The following NPAS3 variants were observed in gnomAD, a reference collection of about 807,000 sequenced individuals.
NPAS3 encodes the protein neuronal PAS domain protein 3.
A neutral mutation model predicts 73.1 loss-of-function variants in NPAS3; 14 were observed. The ratio of observed to expected loss-of-function variants is 0.19; its 90% CI spans 0.13 to 0.30. The LOEUF (loss-of-function observed/expected upper bound fraction) is 0.30, where lower values mean the gene tolerates loss of function less well. Ranked by LOEUF, NPAS3 falls within the 10% of genes least tolerant of loss-of-function variation. NPAS3 has a pLI of 1.00. For synonymous variants in NPAS3, 620 were observed against 541.5 expected (o/e 1.14, Z -2.01); for missense variants, 1,096 against 1,250.0 (o/e 0.88, Z 1.86).
At chr14:33,442,944 G>C (rs1472411873) in intron 4 of NPAS3, among the ~76,000 whole-genome samples, 1 of 152,086 alleles carries the variant, frequency 6.6e-6, no homozygotes, top group Non-Finnish European at 1.5e-5. Flanking sequence ...TTGATAATTT[G>C]ATAATTTACC....
At chr14:33,477,112 CT>C (rs577777488) in intron 4 of NPAS3, among the ~76,000 whole-genome samples, 191 of 149,744 alleles carry the variant, frequency 1.3e-3, no homozygotes, top group Middle Eastern at 0.011. Flanking sequence ...TAAATTCACC[CT>C]TTTTAGCCTT....
At chr14:33,395,995 T>C (rs895383483) in intron 4 of NPAS3, among the ~76,000 whole-genome samples, 17 of 152,138 alleles carry the variant, frequency 1.1e-4, no homozygotes, top group African/African-American at 3.9e-4. Context: ...CTCTCTTAAG[T>C]GGCTTTGCCC....
intron 5 of NPAS3, among the ~76,000 whole-genome samples, chr14:33,583,797 A>G (rs1332932672): frequency 6.6e-6 from 1 of 152,232 alleles, no homozygotes; most frequent in Non-Finnish European, 1.5e-5. Context: ...GTAGTGGATT[A>G]AAGTTGGAGA....
intron 3 of NPAS3, among the ~76,000 whole-genome samples, chr14:33,216,698 G>A (rs1043010181): frequency 2.0e-5 from 3 of 152,042 alleles, no homozygotes; most frequent in East Asian, 1.9e-4. Flanking sequence ...GCGTGGCTGT[G>A]TTCCAATAAA....
chr14:33,429,711 A>G (rs899100497), intron 4 of NPAS3, among the ~76,000 whole-genome samples: 3 of 152,162 alleles, frequency 2.0e-5, no homozygotes, highest in Non-Finnish European at 1.5e-5. Context: ...GCCTATGAGG[A>G]TGAGCAATGA....
intron 7 of NPAS3, among the ~76,000 whole-genome samples, chr14:33,761,081 A>G (rs1239892479): frequency 6.6e-6 from 1 of 152,194 alleles, no homozygotes; most frequent in East Asian, 1.9e-4. Flanking sequence ...CTATAAAGAA[A>G]CTTTATTTTC....
At chr14:33,709,098 G>A (rs1015322) in intron 6 of NPAS3, among the ~76,000 whole-genome samples, 54,378 of 152,066 alleles carry the variant, frequency 0.36, 10,304 homozygotes, top group Admixed American at 0.52. Context: ...TGAGTGGACA[G>A]TTCTCCACAA....
At chr14:33,013,019 T>C (rs992158982) in intron 1 of NPAS3, among the ~76,000 whole-genome samples, 7 of 152,208 alleles carry the variant, frequency 4.6e-5, no homozygotes, top group African/African-American at 1.7e-4. Flanking sequence ...AAATGTTCCA[T>C]ACCCTTGTGT....
chr14:33,229,472 G>A (rs2047761045), intron 3 of NPAS3, among the ~76,000 whole-genome samples: 1 of 152,190 alleles, frequency 6.6e-6, no homozygotes, highest in South Asian at 2.1e-4. Context: ...AGGGCTCAGA[G>A]TCACGTGCTC....
intron 3 of NPAS3, among the ~76,000 whole-genome samples, chr14:33,342,154 C>A (rs1245953311): frequency 6.6e-6 from 1 of 152,204 alleles, no homozygotes; most frequent in African/African-American, 2.4e-5. Context: ...CATGGAGACA[C>A]AAAGGGGTTG....
chr14:33,524,171 G>A (rs753011638), intron 4 of NPAS3, among the ~76,000 whole-genome samples: 1 of 152,152 alleles, frequency 6.6e-6, no homozygotes, highest in Non-Finnish European at 1.5e-5. Context: ...ACTGCTGAAA[G>A]TACTGCCCTC....
upstream of NPAS3, among the ~76,000 whole-genome samples, chr14:32,937,910 G>C (rs922940709): frequency 6.6e-6 from 1 of 152,052 alleles, no homozygotes; most frequent in African/African-American, 2.4e-5. Flanking sequence ...CTCTGACCAG[G>C]GTCTACCCAG....
At chr14:32,939,327 C>G in exon 1 of NPAS3, 1 of 731,910 alleles carries the variant, frequency 1.4e-6, no homozygotes, top group Non-Finnish European at 2.4e-6. Flanking sequence ...ATGGCGCCCA[C>G]CAAGCCCAGC....
intron 6 of NPAS3, among the ~76,000 whole-genome samples, chr14:33,731,910 G>C (rs908656088): frequency 1.2e-4 from 18 of 151,146 alleles, no homozygotes; most frequent in Admixed American, 1.2e-3. Flanking sequence ...TCAGCTCCTA[G>C]TTTATAATTC....
rs140421436 is a variant in NPAS3, at chr14:33,167,237, C to T, written c.141-47945C>T. 1.3e-3 allele frequency among the ~76,000 whole-genome samples: 193 copies of T among 152,172 alleles called. 1 individual carries two copies. The highest frequency in any genetic ancestry group is 4.0e-3 in the African/African-American group (168 of 41,508). On this transcript the variant is annotated intron_variant, in intron 2 of 11. Transcript: ENST00000356141. ...CCACACAGATTTTTAGCAGAGGGGC[C>T]GTGATCAGCTTCAGGAGTTCTATAA...
intron 4 of NPAS3, among the ~76,000 whole-genome samples, chr14:33,510,721 T>C (rs528369204): frequency 3.9e-4 from 59 of 152,220 alleles, no homozygotes; most frequent in Admixed American, 7.9e-4. Context: ...ACTTTTTATA[T>C]AACGTGTGCT....
intron 1 of NPAS3, among the ~76,000 whole-genome samples, chr14:33,032,183 C>T (rs370289591): frequency 3.3e-5 from 5 of 152,158 alleles, no homozygotes; most frequent in Admixed American, 3.3e-4. Context: ...GAGGATTGTA[C>T]ATGATGCGGC....
At chr14:33,730,470 G>T (rs932104809) in intron 6 of NPAS3, among the ~76,000 whole-genome samples, 1 of 152,202 alleles carries the variant, frequency 6.6e-6, no homozygotes, top group Admixed American at 6.5e-5. Context: ...CAGGGGTTCT[G>T]CTTCACATTG....
intron 2 of NPAS3, among the ~76,000 whole-genome samples, chr14:33,181,289 G>A (rs976295106): frequency 1.3e-5 from 2 of 152,226 alleles, no homozygotes; most frequent in African/African-American, 4.8e-5. Context: ...GGCAGAGTGA[G>A]GAGGTATTTG....
Sources: allele counts gnomAD v4.1 joint callset (sites outside exome capture counted in the v4.1 genomes callset), GRCh38; gene constraint gnomAD v4.1.1; transcripts MANE v1.5; gene names NCBI Gene and HGNC (gene_info 2026-07-23, HGNC 2026-07-21).